Variants in ZP1 observed in about 807,000 individuals in gnomAD.
The protein encoded by ZP1 is zona pellucida glycoprotein 1, also known as zona pellucida sperm-binding protein 1.
ZP1 carries 58 observed loss-of-function variants against 67.4 expected under a neutral mutation model. That is an observed-to-expected ratio of 0.86 (90% CI 0.70 to 1.07). The LOEUF is 1.07. Among genes scored for constraint, ZP1 ranks in the 50% least tolerant of loss-of-function variants. The pLI is 0.00. For synonymous variants in ZP1, 333 were observed against 332.7 expected (o/e 1.00, Z -0.01); for missense variants, 759 against 807.3 (o/e 0.94, Z 0.72).
chr11:60,875,265 G>A lies in ZP1; in HGVS notation c.1774+17G>A. The A allele has an allele frequency of 6.2e-7, 1 of 1,606,014 alleles. No homozygotes were observed. The highest frequency in any genetic ancestry group is 8.5e-7 in the Non-Finnish European group (1 of 1,178,484). On this transcript the variant is annotated intron_variant, in intron 11 of 11. Coordinates refer to ENST00000278853, the MANE Select transcript of ZP1 (RefSeq NM_207341.4). ...GGCCCACAGGTAGGAGGGCTTCTGGGTGGGCCCCTCAGGCCTTACCCACTC... is the reference window on the plus strand; with the variant it reads ...GGCCCACAGGTAGGAGGGCTTCTGGATGGGCCCCTCAGGCCTTACCCACTC...
At chr11:60,870,516 T>G (rs781385004) in intron 4 of ZP1, 41 bp downstream of exon 4, 3 of 1,554,828 alleles carry the variant, frequency 1.9e-6, no homozygotes, top group Non-Finnish European at 2.6e-6. Flanking sequence ...TCCCTTGGAT[T>G]CTGAAGCGGA....
Position 60,873,233 on chromosome 11 carries a change from C to T in ZP1, c.1184C>T (p.Ser395Leu), listed in dbSNP as rs1156861968. Residue 395 changes from serine to leucine, a missense_variant, in exon 7 of 12, where the codon TCG becomes TTG. Physicochemically the swap from Ser to Leu is moderately radical, Grantham distance 145. Coordinates refer to ENST00000278853, the MANE Select transcript of ZP1 (RefSeq NM_207341.4). ...CAGGCATCCATTTTCCCACCCCCAT[C>T]GCCTGCTCCTATGACCCAGCCCGGC... ...PIQASIFPPP[S>L]PAPMTQPGPL... 1.1e-5 allele frequency: 17 copies of T among 1,607,438 alleles called. No individual in the cohort carries two copies. The highest frequency in any genetic ancestry group is 2.2e-5 in the East Asian group (1 of 44,864).
At chr11:60,871,944 G>A (rs962733601) in intron 6 of ZP1, among the ~76,000 whole-genome samples, 3 of 152,200 alleles carry the variant, frequency 2.0e-5, no homozygotes, top group African/African-American at 7.2e-5. Flanking sequence ...TCACCCTGTG[G>A]GACGGAGCCA....
chr11:60,875,209 G>C lies in ZP1; in HGVS notation c.1735G>C (p.Glu579Gln). The C allele has an allele frequency of 6.2e-7, 1 of 1,613,580 alleles. No homozygotes were observed. Among genetic ancestry groups the C allele is most frequent in the Non-Finnish European group, 8.5e-7 (1 of 1,180,038 alleles). ...GAGCTCTCCGGGGCCAGTGGGCTTTGAGGATTCTTATGGGCAGGAGCCCAC... is the reference window on the plus strand; with the variant it reads ...GAGCTCTCCGGGGCCAGTGGGCTTTCAGGATTCTTATGGGCAGGAGCCCAC... Reference protein sequence around the residue: ...IVSSPGPVGFEDSYGQEPTLG... With the variant: ...IVSSPGPVGFQDSYGQEPTLG... Residue 579 changes from glutamate (E) to glutamine (Q), a missense_variant, in exon 11 of 12, where the codon GAG (glutamate) becomes CAG (glutamine). By Grantham distance (29) the Glu-to-Gln change is conservative. Coordinates refer to ENST00000278853, the MANE Select transcript of ZP1 (RefSeq NM_207341.4).
At position 60,875,514 on chromosome 11, in the gene ZP1, A is replaced by C. The variant is rs778835273; in HGVS notation, c.1775A>C (p.Asp592Ala). 4.9e-5 allele frequency: 79 copies of C among 1,613,518 alleles called. No homozygotes were observed. The highest frequency in any genetic ancestry group is 6.4e-5 in the Non-Finnish European group (76 of 1,179,820). ...YGQEPTLGPTDSNGNSSLRPL... is the reference protein window; with the variant it reads ...YGQEPTLGPTASNGNSSLRPL... ...CCTGCCAATCCCGTCTCTCTGACAGACTCCAATGGGAACTCCAGCCTGAGA... is the reference window on the plus strand; with the variant it reads ...CCTGCCAATCCCGTCTCTCTGACAGCCTCCAATGGGAACTCCAGCCTGAGA... The change falls in exon 12 of 12, where the codon GAC becomes GCC. Residue 592 changes from aspartate to alanine, a missense_variant and splice_region_variant. Transcript: ENST00000278853.
Position 60,869,140 on chromosome 11 carries a change from T to G in ZP1, c.197-5T>G, listed in dbSNP as rs773600871. 1 of 1,614,042 alleles carries G rather than the reference T, an allele frequency of 6.2e-7. No homozygotes were observed. Among genetic ancestry groups the G allele is most frequent in the Non-Finnish European group, 8.5e-7 (1 of 1,179,984 alleles). Reference sequence around the variant, plus strand: ...TCCCTGGCCCCTCCCCTTCCCCCACTGCAGATGAATTTGGGAACCGATTTG... The same window carrying G: ...TCCCTGGCCCCTCCCCTTCCCCCACGGCAGATGAATTTGGGAACCGATTTG... On this transcript the variant is annotated splice_polypyrimidine_tract_variant and splice_region_variant and intron_variant, in intron 1 of 11. Transcript: ENST00000278853.
intron 6 of ZP1, among the ~76,000 whole-genome samples, 190 bp downstream of exon 6, chr11:60,871,504 C>T (rs1292492359): frequency 2.0e-5 from 3 of 152,226 alleles, no homozygotes; most frequent in Admixed American, 6.5e-5. Flanking sequence ...GTCCCTCTCT[C>T]AGGGCAGACA....
intron 2 of ZP1, 27 bp from the exon 3 acceptor site, chr11:60,869,510 T>G: frequency 6.4e-7 from 1 of 1,574,550 alleles, no homozygotes; most frequent in Non-Finnish European, 8.6e-7. Context: ...CTCACCTTGC[T>G]GCTCTATGAT....
chr11:60,869,665 A>G lies in ZP1; in HGVS notation c.447A>G (p.Ala149=). The G allele has an allele frequency of 6.2e-7, 1 of 1,613,878 alleles. No individual in the cohort carries two copies. The part of the protein sequence containing the change: ...DPSRTLDSQL[A]PPAMFSVSTP... ...CCCGGACTCTGGACTCCCAGCTGGC[A>G]CCACCCGCCATGTTCTCTGTCTCAA... is the stretch of plus-strand genomic sequence containing the variant. The change falls in exon 3 of 12, where the codon GCA becomes GCG. Residue 149 remains alanine, a synonymous_variant. Transcript: ENST00000278853.
chr11:60,868,984 A>G (rs1258454726), intron 1 of ZP1, among the ~76,000 whole-genome samples, 161 bp from the exon 2 acceptor site: 1 of 152,186 alleles, frequency 6.6e-6, no homozygotes, highest in Non-Finnish European at 1.5e-5. Context: ...CTGAGAGCAG[A>G]GAGGGGAGGG....
intron 6 of ZP1, among the ~76,000 whole-genome samples, chr11:60,871,870 C>T (rs566618759): frequency 2.1e-4 from 32 of 152,244 alleles, no homozygotes; most frequent in Non-Finnish European, 5.9e-5. Flanking sequence ...GGGGGTGACC[C>T]GAGGGAATCT....
Position 60,875,268 on chromosome 11 carries a change from G to T in ZP1, c.1774+20G>T. 1 of 1,600,984 alleles carries T rather than the reference G, an allele frequency of 6.2e-7. No homozygotes were observed. The highest frequency in any genetic ancestry group is 8.5e-7 in the Non-Finnish European group (1 of 1,176,908). On this transcript the variant is annotated intron_variant, in intron 11 of 11. Transcript: ENST00000278853. ...CCACAGGTAGGAGGGCTTCTGGGTG[G>T]GCCCCTCAGGCCTTACCCACTCTCA...
chr11:60,870,247 CT>C, intron 3 of ZP1, 84 bp from the exon 4 acceptor site: 1 of 1,330,370 alleles, frequency 7.5e-7, no homozygotes, highest in Non-Finnish European at 9.9e-7. Flanking sequence ...AGCACAAGCT[CT>C]GGAGCAGGTT....
chr11:60,870,462 C>T lies in ZP1; in HGVS notation c.813C>T (p.Tyr271=), dbSNP rs1855546265. 6.2e-7 allele frequency: 1 copy of T among 1,609,760 alleles called. No individual in the cohort carries two copies. Among genetic ancestry groups the T allele is most frequent in the Non-Finnish European group, 8.5e-7 (1 of 1,178,262 alleles). Reference sequence around the variant, plus strand: ...ACAACACCAGAGAGGTTCCCTGTTACTATGGCAACACAGGTACAACCTCCC... The same window carrying T: ...ACAACACCAGAGAGGTTCCCTGTTATTATGGCAACACAGGTACAACCTCCC... ...CYDNTREVPC[Y]YGNTATVQCF... Residue 271 remains tyrosine, a synonymous_variant, in exon 4 of 12, where the codon TAC becomes TAT. Transcript: ENST00000278853.
intron 1 of ZP1, among the ~76,000 whole-genome samples, chr11:60,868,055 T>TTC (rs1554977565): frequency 7.1e-6 from 1 of 141,408 alleles, no homozygotes; most frequent in Admixed American, 6.9e-5. Flanking sequence ...TTTTTTTTTT[T>TTC]CTGAGACAGT....
At position 60,867,588 on chromosome 11, in the gene ZP1, G is replaced by A; in HGVS notation, c.27G>A (p.Trp9Ter). The A allele has an allele frequency of 6.2e-7, 1 of 1,612,882 alleles. No homozygotes were observed. The highest frequency in any genetic ancestry group is 8.5e-7 in the Non-Finnish European group (1 of 1,179,372). The change falls in exon 1 of 12, where the codon TGG becomes TGA. Residue 9 changes from tryptophan (W) to a stop codon, truncating the protein, a stop_gained. Coordinates refer to ENST00000278853, the MANE Select transcript of ZP1 (RefSeq NM_207341.4). LOFTEE classifies it high-confidence loss of function. MAGGSATT[W>*]GYPVALLLLV... ...TGGCAGGAGGCTCAGCCACGACCTG[G>A]GGTTACCCTGTGGCCCTGCTACTGC...
chr11:60,867,718 T>C lies in ZP1; in HGVS notation c.157T>C (p.Phe53Leu). The change falls in exon 1 of 12, where the codon TTC becomes CTC. Residue 53 changes from phenylalanine (F) to leucine (L), a missense_variant. Transcript: ENST00000278853. The stretch of plus-strand genomic sequence containing the variant: ...GATCAAGGGAATGCAGCTGCTGGTG[T>C]TCCCCAGGCCAGGCCAGACTCTCCG... ...CGIKGMQLLVFPRPGQTLRFK... is the reference protein window; with the variant it reads ...CGIKGMQLLVLPRPGQTLRFK... 5 of 1,614,018 alleles carry C rather than the reference T, an allele frequency of 3.1e-6. No homozygotes were observed. The highest frequency in any genetic ancestry group is 3.4e-6 in the Non-Finnish European group (4 of 1,179,954).
chr11:60,873,729 C>A lies in ZP1; in HGVS notation c.1526C>A (p.Thr509Asn). The stretch of plus-strand genomic sequence containing the variant: ...CACTACCAGCGATTCACTGTTGCTA[C>A]CTTCGCCCTCCTGGACTCAGGCTCC... ...QSHYQRFTVA[T>N]FALLDSGSQR... The change falls in exon 9 of 12, where the codon ACC (threonine) becomes AAC (asparagine). Residue 509 changes from threonine to asparagine, a missense_variant. Physicochemically the swap from Thr to Asn is moderately conservative, Grantham distance 65. Transcript: ENST00000278853. 1.2e-6 allele frequency: 2 copies of A among 1,614,158 alleles called. No homozygotes were observed. The highest frequency in any genetic ancestry group is 1.7e-6 in the Non-Finnish European group (2 of 1,180,032).
At chr11:60,871,367 C>G (rs1855566759) in intron 6 of ZP1, 53 bp downstream of exon 6, 1 of 1,582,800 alleles carries the variant, frequency 6.3e-7, no homozygotes. Flanking sequence ...GTGTCAGGGG[C>G]ACAGGCGAGC....
Sources: gnomAD v4.1 joint callset for allele counts (sites outside exome capture counted in the v4.1 genomes callset) on GRCh38, gnomAD v4.1.1 for gene constraint, MANE v1.5 for transcripts, NCBI Gene and HGNC (gene_info 2026-07-23, HGNC 2026-07-21) for gene names.